Variants in EPS8 observed in about 807,000 individuals in gnomAD.
The protein encoded by EPS8 is EGFR pathway substrate 8, signaling adaptor.
EPS8 carries 42 observed loss-of-function variants against 103.8 expected under a neutral mutation model. That is an observed-to-expected ratio of 0.40 (90% CI 0.32 to 0.52). The LOEUF (loss-of-function observed/expected upper bound fraction) is 0.52, where lower values mean the gene tolerates loss of function less well. EPS8 is among the 20% of genes least tolerant of loss of function. The probability of loss-of-function intolerance (pLI) is 0.40; values close to 1 mark genes in which losing one functional copy is unlikely to be tolerated. For missense variants in EPS8, 969 were observed against 1,005.1 expected, an observed-to-expected ratio of 0.96 and a Z score of 0.49; for synonymous variants, 344 against 344.6, an observed-to-expected ratio of 1.00 and a Z score of 0.02.
chr12:15,712,300 T>G (rs1946476430), intron 1 of EPS8, among the ~76,000 whole-genome samples: 4 of 152,118 alleles, frequency 2.6e-5, no homozygotes, highest in Admixed American at 2.6e-4. Flanking sequence ...AGCAAAATGT[T>G]TACACAGAAA....
rs113646208 is a variant in EPS8, at chr12:15,762,013, AAT to A, written c.-22+27146_-22+27147del. Among the ~76,000 whole-genome samples the A allele has an allele frequency of 0.076, 11,571 of 152,194 alleles. 1,428 individuals are homozygous for A. Among genetic ancestry groups the A allele is most frequent in the African/African-American group, 0.26 (10,694 of 41,460 alleles). Reference sequence around the variant, plus strand: ...AGAGACAACCCACAGAATCAGAGAAAATATATTTGCAAACTATCCATCTGAAA... The same window carrying A: ...AGAGACAACCCACAGAATCAGAGAAAATATTTGCAAACTATCCATCTGAAA... On this transcript the variant is annotated intron_variant, in intron 1 of 20. Transcript: ENST00000281172. The surrounding 1 kb of genome is among the most constrained non-coding windows in gnomAD (Gnocchi z 4.8).
Position 15,695,644 on chromosome 12 carries a change from T to A in EPS8, c.-21-12672A>T, listed in dbSNP as rs556584222. ...AGCAAAACAGACAGGGTTCCTACCTTCATGGAGCTTACAATCTAGAGGGAG... is the reference window on the plus strand; with the variant it reads ...AGCAAAACAGACAGGGTTCCTACCTACATGGAGCTTACAATCTAGAGGGAG... On this transcript the variant is annotated intron_variant, in intron 1 of 20. Transcript: ENST00000281172. This position sits in a 1 kb window ranked among gnomAD's most constrained non-coding sequence, Gnocchi z 5.0. Among the ~76,000 whole-genome samples, 10 of 152,288 alleles carry A rather than the reference T, an allele frequency of 6.6e-5. No homozygotes were observed. Among genetic ancestry groups the A allele is most frequent in the African/African-American group, 2.4e-4 (10 of 41,568 alleles).
intron 17 of EPS8, 87 bp from the exon 18 acceptor site, chr12:15,631,751 G>A: frequency 9.3e-7 from 1 of 1,071,138 alleles, no homozygotes; most frequent in Non-Finnish European, 1.3e-6. Flanking sequence ...GGACATTGTT[G>A]GCTATTTTTA....
chr12:15,626,697 T>C (rs531342298), intron 18 of EPS8, among the ~76,000 whole-genome samples: 1 of 150,048 alleles, frequency 6.7e-6, no homozygotes, highest in Admixed American at 6.6e-5. Flanking sequence ...TCCCAAGTGA[T>C]CCTAATTACT....
rs58446914 is a variant in EPS8 at position 15,639,945 on chromosome 12, G to A, written c.1821+758C>T. Among the ~76,000 whole-genome samples the A allele has an allele frequency of 1.4e-3, 215 of 152,304 alleles. 1 individual carries two copies. In the East Asian group the frequency reaches 0.039, roughly 27 times the overall value. Reference sequence around the variant, plus strand: ...CCCCAGGTTCACTGGCTGTACCTGAGAGAGTCCATCCATTCTGTCTTTGTT... The same window carrying A: ...CCCCAGGTTCACTGGCTGTACCTGAAAGAGTCCATCCATTCTGTCTTTGTT... On this transcript the variant is annotated intron_variant, in intron 17 of 20. Transcript: ENST00000281172.
At position 15,688,822 on chromosome 12, in the gene EPS8, G is replaced by A. The variant is rs1193531304; in HGVS notation, c.-21-5850C>T. 1.3e-5 allele frequency among the ~76,000 whole-genome samples: 2 copies of A among 152,186 alleles called. No homozygotes were observed. The highest frequency in any genetic ancestry group is 3.8e-4 in the East Asian group (2 of 5,196). ...AGAAAACCCCCTGTCCTTGCAATAA[G>A]GTAGAGGATCTAATTGAGCTGGTTA... is the stretch of plus-strand genomic sequence containing the variant. On this transcript the variant is annotated intron_variant, in intron 1 of 20. Transcript: ENST00000281172. The surrounding 1 kb of genome is among the most constrained non-coding windows in gnomAD (Gnocchi z 5.1).
At position 15,751,414 on chromosome 12, in the gene EPS8, TC is replaced by T. The variant is rs1565530001; in HGVS notation, c.-22+37746del. On this transcript the variant is annotated intron_variant, in intron 1 of 20. Coordinates refer to ENST00000281172, the MANE Select transcript of EPS8 (RefSeq NM_004447.6). The surrounding 1 kb of genome is among the most constrained non-coding windows in gnomAD (Gnocchi z 4.3). ...TGCCTTCTAGCCTCAACGCCACTGA[TC>T]CCAACATTTATTCATTCATTTTGCC... 2.0e-5 allele frequency among the ~76,000 whole-genome samples: 3 copies of T among 152,238 alleles called. No homozygotes were observed. The highest frequency in any genetic ancestry group is 7.2e-5 in the African/African-American group (3 of 41,524).
intron 1 of EPS8, among the ~76,000 whole-genome samples, chr12:15,766,141 A>G (rs1053285573): frequency 4.6e-5 from 7 of 151,212 alleles, no homozygotes; most frequent in Admixed American, 4.6e-4. Flanking sequence ...GAAAAAAAAT[A>G]CTCTTCAGCA....
rs1294416193 is a variant in EPS8 at position 15,747,717 on chromosome 12, A to C, written c.-22+41444T>G. Among the ~76,000 whole-genome samples, 3 of 152,190 alleles carry C rather than the reference A, an allele frequency of 2.0e-5. 1 individual carries two copies. In the South Asian group the frequency reaches 6.2e-4, roughly 32 times the overall value. ...GATTTCAATATAAAACAGGACAAAT[A>C]CTCCAATTTAAGAAAAAAAATAGCC... On this transcript the variant is annotated intron_variant, in intron 1 of 20. Coordinates refer to ENST00000281172, the MANE Select transcript of EPS8 (RefSeq NM_004447.6). The surrounding 1 kb of genome is among the most constrained non-coding windows in gnomAD (Gnocchi z 4.4).
At chr12:15,705,769 T>C (rs929000877) in intron 1 of EPS8, among the ~76,000 whole-genome samples, 1 of 152,172 alleles carries the variant, frequency 6.6e-6, no homozygotes, top group Admixed American at 6.5e-5. Context: ...GTGACATTGT[T>C]TTCCTCACTG....
At chr12:15,664,277 T>C (rs1164712763) in intron 8 of EPS8, among the ~76,000 whole-genome samples, 2 of 150,982 alleles carry the variant, frequency 1.3e-5, no homozygotes, top group Non-Finnish European at 1.5e-5. Flanking sequence ...ATATCTCTGT[T>C]AATTAATTTT....
intron 1 of EPS8, among the ~76,000 whole-genome samples, chr12:15,724,591 G>C (rs2970194): frequency 0.012 from 1,875 of 151,998 alleles, 32 homozygotes; most frequent in African/African-American, 0.037. Flanking sequence ...TGTCCCCACC[G>C]GAATCTCATC....
chr12:15,663,950 T>TAAAAATAATAATA (rs375723916), intron 8 of EPS8, among the ~76,000 whole-genome samples: 1 of 61,776 alleles, frequency 1.6e-5, no homozygotes, highest in Non-Finnish European at 2.7e-5. Context: ...AAAAAAATAA[T>TAAAAATAATAATA]ATATATATAT....
rs1360326780 is a variant in EPS8 at position 15,690,457 on chromosome 12, A to G, written c.-21-7485T>C. Among the ~76,000 whole-genome samples, 1 of 152,120 alleles carries G rather than the reference A, an allele frequency of 6.6e-6. No individual in the cohort carries two copies. The highest frequency in any genetic ancestry group is 1.5e-5 in the Non-Finnish European group (1 of 68,004). On this transcript the variant is annotated intron_variant, in intron 1 of 20. Coordinates refer to ENST00000281172, the MANE Select transcript of EPS8 (RefSeq NM_004447.6). The surrounding 1 kb of genome is among the most constrained non-coding windows in gnomAD (Gnocchi z 4.7). ...AAACTACTTCTCATATATTTTATTG[A>G]TAGTCACTATTTCTTATCTCAACTT...
chr12:15,622,618 A>T (rs1944877766), intron 20 of EPS8, among the ~76,000 whole-genome samples: 1 of 151,846 alleles, frequency 6.6e-6, no homozygotes. Context: ...AGAAAACATG[A>T]CTCTCCTGCT....
intron 17 of EPS8, among the ~76,000 whole-genome samples, chr12:15,632,879 A>T (rs994388744): frequency 7.2e-5 from 11 of 152,162 alleles, no homozygotes; most frequent in Admixed American, 2.0e-4. Flanking sequence ...TGTGGGAAGG[A>T]GCCCTCATTC....
At chr12:15,652,056 C>T (rs866706201) in intron 13 of EPS8, among the ~76,000 whole-genome samples, 2 of 151,970 alleles carry the variant, frequency 1.3e-5, no homozygotes, top group Non-Finnish European at 2.9e-5. Flanking sequence ...TTAAAGGATG[C>T]CACCGAGGCT....
Position 15,777,982 on chromosome 12 carries a change from A to C in EPS8, c.-22+11179T>G, listed in dbSNP as rs1947223858. Among the ~76,000 whole-genome samples, 1 of 152,258 alleles carries C rather than the reference A, an allele frequency of 6.6e-6. No individual in the cohort carries two copies. Among genetic ancestry groups the C allele is most frequent in the Non-Finnish European group, 1.5e-5 (1 of 68,044 alleles). On this transcript the variant is annotated intron_variant, in intron 1 of 20. Coordinates refer to ENST00000281172, the MANE Select transcript of EPS8 (RefSeq NM_004447.6). The surrounding 1 kb of genome is among the most constrained non-coding windows in gnomAD (Gnocchi z 4.7). ...CAACAGTTTGGGTAAGAAATGTAAAAAAATTAAAATAACATAGAAAGAAAT... is the reference window on the plus strand; with the variant it reads ...CAACAGTTTGGGTAAGAAATGTAAACAAATTAAAATAACATAGAAAGAAAT...
chr12:15,774,057 G>A (rs1441610755), intron 1 of EPS8, among the ~76,000 whole-genome samples: 2 of 151,598 alleles, frequency 1.3e-5, no homozygotes, highest in Admixed American at 6.6e-5. Context: ...CAGAAAAGCA[G>A]GAAAATAATT....
Sources: allele counts gnomAD v4.1 joint callset (sites outside exome capture counted in the v4.1 genomes callset), GRCh38; gene constraint gnomAD v4.1.1; non-coding constraint Gnocchi (gnomAD v3.1); transcripts MANE v1.5; gene names NCBI Gene and HGNC (gene_info 2026-07-23, HGNC 2026-07-21).